The following ARGFX variants were observed in gnomAD, a reference collection of about 807,000 sequenced individuals.
ARGFX encodes arginine-fifty homeobox.
In ARGFX, 10 loss-of-function variants were observed where a neutral mutation model predicts 8.0. The ratio of observed to expected loss-of-function variants is 1.25; its 90% CI spans 0.77 to 2.12. The LOEUF is 2.12. ARGFX is among the 30% of genes most tolerant of loss of function. The pLI is 0.00. For synonymous variants in ARGFX, 116 were observed against 117.8 expected (o/e 0.98, Z 0.10); for missense variants, 282 against 324.3 (o/e 0.87, Z 1.00).
In ARGFX at chr3:121,578,733, C is replaced by T. The variant is rs1207774974; in HGVS notation, c.220+1833C>T. Among the ~76,000 whole-genome samples, 10 of 149,244 alleles carry T rather than the reference C, an allele frequency of 6.7e-5. No individual in the cohort carries two copies. The East Asian group carries it at 7.9e-4, about 12-fold the overall frequency. On this transcript the variant is annotated intron_variant, in intron 3 of 4. Coordinates refer to ENST00000334384, the MANE Select transcript of ARGFX (RefSeq NM_001012659.2). ...TTGCCCAGGCTGGAGGGCAGGGGCGCGATCTCGGCTCACTGCAAGTTCTGC... is the reference window on the plus strand; with the variant it reads ...TTGCCCAGGCTGGAGGGCAGGGGCGTGATCTCGGCTCACTGCAAGTTCTGC...
In ARGFX at chr3:121,586,488, C is replaced by A. The variant is rs192920748; in HGVS notation, c.836C>A (p.Ser279Tyr). ...SIFAGPAVGLSPAQTWPNMTS... is the reference protein window; with the variant it reads ...SIFAGPAVGLYPAQTWPNMTS... ...TTTGCTGGTCCAGCTGTAGGCCTAT[C>A]TCCTGCACAAACCTGGCCCAATATG... The change falls in exon 5 of 5, where the codon TCT becomes TAT. Residue 279 changes from serine (S) to tyrosine (Y), a missense_variant. Physicochemically the swap from Ser to Tyr is moderately radical, Grantham distance 144 (BLOSUM62 -2). Coordinates refer to ENST00000334384, the MANE Select transcript of ARGFX (RefSeq NM_001012659.2). The A allele has an allele frequency of 7.4e-6, 12 of 1,614,182 alleles. No individual in the cohort carries two copies. The East Asian group carries it at 2.2e-4, about 30-fold the overall frequency.
chr3:121,579,888 C>T (rs1025428095), intron 3 of ARGFX, among the ~76,000 whole-genome samples: 7 of 150,866 alleles, frequency 4.6e-5, no homozygotes, highest in Non-Finnish European at 1.0e-4. Context: ...CGCACCTGGC[C>T]TTCCAAAATC....
rs1227920693 is a variant in ARGFX at position 121,585,998 on chromosome 3, CT to C, written c.370-23del. The C allele has an allele frequency of 2.6e-6, 4 of 1,546,966 alleles. No individual in the cohort carries two copies. The East Asian group carries it at 9.0e-5, about 35-fold the overall frequency. On this transcript the variant is annotated intron_variant, in intron 4 of 4. Transcript: ENST00000334384. ...GCCTCCTCCAATAACAGACCACAAT[CT>C]CCCCCTCTTCCCCTACTCCCAGGTT...
intron 3 of ARGFX, among the ~76,000 whole-genome samples, chr3:121,577,193 G>A (rs2048743535): frequency 1.1e-5 from 1 of 92,990 alleles, no homozygotes; most frequent in Non-Finnish European, 2.3e-5. Flanking sequence ...ATATATGTAT[G>A]TGTGTATGTA....
At chr3:121,584,204 G>GGAAGCA (rs1553835948) in intron 3 of ARGFX, among the ~76,000 whole-genome samples, 1 of 104,264 alleles carries the variant, frequency 9.6e-6, no homozygotes, top group Non-Finnish European at 1.9e-5. Flanking sequence ...GACAGAGAGA[G>GGAAGCA]AGGAAGGAAG....
chr3:121,582,637 T>C (rs6769198), intron 3 of ARGFX, among the ~76,000 whole-genome samples: 42,367 of 152,078 alleles, frequency 0.28, 6,330 homozygotes, highest in East Asian at 0.62. Flanking sequence ...CTGATTTTAG[T>C]ATTGGTATTA....
At chr3:121,569,966 G>A (rs1487768772) in intron 1 of ARGFX, among the ~76,000 whole-genome samples, 1 of 152,146 alleles carries the variant, frequency 6.6e-6, no homozygotes, top group Non-Finnish European at 1.5e-5. Context: ...GCAATTTCTT[G>A]TGAATCTGAA....
intron 1 of ARGFX, among the ~76,000 whole-genome samples, chr3:121,569,063 C>T (rs189944775): frequency 3.3e-4 from 50 of 152,178 alleles, no homozygotes; most frequent in African/African-American, 1.1e-3. Context: ...ATGATAAATG[C>T]GTGACGTGTT....
At chr3:121,580,567 A>AGTGTGTGTGTGTGT (rs143363410) in intron 3 of ARGFX, among the ~76,000 whole-genome samples, 24 of 128,118 alleles carry the variant, frequency 1.9e-4, no homozygotes, top group East Asian at 4.8e-4. Flanking sequence ...TATAAAGAAA[A>AGTGTGTGTGTGTGT]GTGTGTGTGT....
intron 2 of ARGFX, among the ~76,000 whole-genome samples, chr3:121,571,770 G>A (rs1210732045): frequency 2.3e-5 from 3 of 132,748 alleles, no homozygotes; most frequent in Non-Finnish European, 4.7e-5. Context: ...TTTTAGTAGA[G>A]ATGGGGTTTC....
intron 3 of ARGFX, among the ~76,000 whole-genome samples, chr3:121,577,250 TA>T (rs1560120544): frequency 9.4e-4 from 52 of 55,294 alleles, no homozygotes; most frequent in Admixed American, 1.8e-3. Context: ...TATATATATA[TA>T]TATATATATT....
In ARGFX at chr3:121,586,425, A is replaced by G. The variant is rs780165477; in HGVS notation, c.773A>G (p.Lys258Arg). 8 of 1,614,142 alleles carry G rather than the reference A, an allele frequency of 5.0e-6. No individual in the cohort carries two copies. Among genetic ancestry groups the G allele is most frequent in the Non-Finnish European group, 2.5e-6 (3 of 1,180,018 alleles). ...HCLYQYLSPTKYQVGGQGSSL... is the reference protein window; with the variant it reads ...HCLYQYLSPTRYQVGGQGSSL... Reference sequence around the variant, plus strand: ...CTGTATCAGTATCTCTCACCCACAAAGTACCAGGTAGGAGGACAGGGTTCC... The same window carrying G: ...CTGTATCAGTATCTCTCACCCACAAGGTACCAGGTAGGAGGACAGGGTTCC... Residue 258 changes from lysine (K) to arginine (R), a missense_variant, in exon 5 of 5, where the codon AAG (lysine) becomes AGG (arginine). Lys to Arg is a conservative substitution (Grantham distance 26). Transcript: ENST00000334384.
At chr3:121,573,208 T>C (rs1414551898) in intron 2 of ARGFX, among the ~76,000 whole-genome samples, 1 of 152,128 alleles carries the variant, frequency 6.6e-6, no homozygotes, top group African/African-American at 2.4e-5. Flanking sequence ...GGGCCGGGCA[T>C]GGTGGCTCAT....
At chr3:121,572,490 C>T (rs765621310) in intron 2 of ARGFX, among the ~76,000 whole-genome samples, 1 of 151,938 alleles carries the variant, frequency 6.6e-6, no homozygotes, top group Non-Finnish European at 1.5e-5. Context: ...GGGTGATCCA[C>T]GCGCCTCGGC....
At chr3:121,572,511 G>T (rs2048715307) in intron 2 of ARGFX, among the ~76,000 whole-genome samples, 1 of 150,554 alleles carries the variant, frequency 6.6e-6, no homozygotes, top group Non-Finnish European at 1.5e-5. Context: ...CTTCCAAAGT[G>T]CTGGGATTAC....
intron 3 of ARGFX, among the ~76,000 whole-genome samples, chr3:121,579,940 C>CTTTTTTTT (rs1204013765): frequency 1.4e-4 from 6 of 43,252 alleles, no homozygotes; most frequent in African/African-American, 5.3e-4. Flanking sequence ...CTTTTCTTTT[C>CTTTTTTTT]TTTTCTTTTT....
At chr3:121,584,783 G>GAT in intron 3 of ARGFX, 134 bp from the exon 4 acceptor site, 5 of 1,039,010 alleles carry the variant, frequency 4.8e-6, no homozygotes, top group Non-Finnish European at 5.6e-6. Flanking sequence ...GCATTTTCTG[G>GAT]ATCCTAAGCC....
intron 3 of ARGFX, among the ~76,000 whole-genome samples, chr3:121,577,247 A>ATC (rs2048746160): frequency 3.8e-5 from 2 of 52,142 alleles, no homozygotes; most frequent in Non-Finnish European, 3.7e-5. Context: ...ATATATATAT[A>ATC]TATATATATA....
rs139161624 is a variant in ARGFX at position 121,570,013 on chromosome 3, G to A, written c.-12-689G>A. Reference sequence around the variant, plus strand: ...ATTAAAAGTAAACAAAACAAAACCAGTAAACAACATGGTAATTTTTGCTTT... The same window carrying A: ...ATTAAAAGTAAACAAAACAAAACCAATAAACAACATGGTAATTTTTGCTTT... On this transcript the variant is annotated intron_variant, in intron 1 of 4. Transcript: ENST00000334384. Among the ~76,000 whole-genome samples, 30 of 152,268 alleles carry A rather than the reference G, an allele frequency of 2.0e-4. 1 individual carries two copies. The highest frequency in any genetic ancestry group is 1.7e-3 in the East Asian group (9 of 5,192).
Sources: gnomAD v4.1 joint callset for allele counts (sites outside exome capture counted in the v4.1 genomes callset) on GRCh38, gnomAD v4.1.1 for gene constraint, MANE v1.5 for transcripts, NCBI Gene and HGNC (gene_info 2026-07-23, HGNC 2026-07-21) for gene names.